CYP4X1: variants seen among roughly 807,000 people sequenced by gnomAD.
CYP4X1 encodes the protein cytochrome P450 family 4 subfamily X member 1, also known as cytochrome P450 4X1.
Under a neutral mutation model 57.9 loss-of-function variants are expected in CYP4X1, and 44 were observed. The ratio of observed to expected loss-of-function variants is 0.76; its 90% confidence interval spans 0.60 to 0.98. The LOEUF is 0.98. CYP4X1 is among the 50% of genes least tolerant of loss of function. The pLI is 0.00. For synonymous variants in CYP4X1, 227 were observed against 228.6 expected (o/e 0.99, Z 0.06); for missense variants, 532 against 623.9 (o/e 0.85, Z 1.57).
upstream of CYP4X1, among the ~76,000 whole-genome samples, chr1:47,020,663 T>A (rs911567696): frequency 9.2e-5 from 14 of 152,180 alleles, no homozygotes; most frequent in Non-Finnish European, 2.9e-5. Flanking sequence ...GAGCAGTGAA[T>A]CTCTGGAATC....
chr1:46,990,172 G>A, the CYP4X1 span, among the ~76,000 whole-genome samples: 2 of 152,070 alleles, frequency 1.3e-5, no homozygotes, highest in Non-Finnish European at 2.9e-5. Flanking sequence ...CCAATATCCA[G>A]AATCTACAAA....
At chr1:47,026,779 G>A (rs565976193) in intron 1 of CYP4X1, among the ~76,000 whole-genome samples, 39 of 152,024 alleles carry the variant, frequency 2.6e-4, no homozygotes, top group Admixed American at 1.0e-3. Flanking sequence ...GTGCAGTGAC[G>A]CAATCTCGGC....
At chr1:46,963,572 C>T in the CYP4X1 span, among the ~76,000 whole-genome samples, 1 of 152,176 alleles carries the variant, frequency 6.6e-6, no homozygotes, top group Non-Finnish European at 1.5e-5. Context: ...GAATATTGGC[C>T]TCCACTCTCT....
chr1:47,000,927 C>G, the CYP4X1 span: 1 of 157,664 alleles, frequency 6.3e-6, no homozygotes, highest in Non-Finnish European at 1.4e-5. Context: ...TATTAGGGAG[C>G]CTCTTAACAT....
chr1:46,979,198 GA>G, the CYP4X1 span, among the ~76,000 whole-genome samples: 1 of 152,108 alleles, frequency 6.6e-6, no homozygotes, highest in Non-Finnish European at 1.5e-5. Flanking sequence ...CTGGTTTTTT[GA>G]AAAGATCAAC....
At chr1:47,012,793 T>C in the CYP4X1 span, among the ~76,000 whole-genome samples, 1 of 152,188 alleles carries the variant, frequency 6.6e-6, no homozygotes, top group Non-Finnish European at 1.5e-5. Context: ...TATGTAAAAG[T>C]GACATATTAG....
the CYP4X1 span, among the ~76,000 whole-genome samples, chr1:46,999,042 GT>G: frequency 6.6e-6 from 1 of 151,410 alleles, no homozygotes; most frequent in South Asian, 2.1e-4. Context: ...GTGTGTGTGT[GT>G]GTGTGTGTGT....
At chr1:46,993,419 A>G in the CYP4X1 span, among the ~76,000 whole-genome samples, 3 of 152,202 alleles carry the variant, frequency 2.0e-5, no homozygotes, top group Non-Finnish European at 2.9e-5. Context: ...TTATAGCAGC[A>G]TGATTTATAA....
intron 4 of CYP4X1, 111 bp downstream of exon 4, chr1:47,033,479 T>C: frequency 7.1e-7 from 1 of 1,406,658 alleles, no homozygotes; most frequent in Non-Finnish European, 9.6e-7. Context: ...TCTAAAAATT[T>C]AACCAATGTA....
Position 47,023,850 on chromosome 1 carries a change from G to C in CYP4X1, c.33G>C (p.Ala11=). The change falls in exon 1 of 12, where the codon GCG becomes GCC. Residue 11 remains alanine, a synonymous_variant. Transcript: ENST00000371901. MEFSWLETRW[A]RPFYLAFVFC... ...TCTCCTGGCTGGAGACGCGCTGGGC[G>C]CGGCCCTTTTACCTGGCGTTCGTGT... 1 of 1,613,456 alleles carries C rather than the reference G, an allele frequency of 6.2e-7. No individual in the cohort carries two copies. The highest frequency in any genetic ancestry group is 8.5e-7 in the Non-Finnish European group (1 of 1,179,938).
chr1:46,977,706 A>C, the CYP4X1 span, among the ~76,000 whole-genome samples: 2 of 151,966 alleles, frequency 1.3e-5, no homozygotes, highest in African/African-American at 4.8e-5. Flanking sequence ...GAGGGAAAAA[A>C]TGTTAAGACA....
chr1:47,006,576 G>C, the CYP4X1 span, among the ~76,000 whole-genome samples: 1 of 152,106 alleles, frequency 6.6e-6, no homozygotes, highest in African/African-American at 2.4e-5. Context: ...GAGTGTCAGA[G>C]AGTGGGTTCA....
chr1:47,007,157 C>T, the CYP4X1 span, among the ~76,000 whole-genome samples: 1 of 152,210 alleles, frequency 6.6e-6, no homozygotes, highest in South Asian at 2.1e-4. Context: ...CCCCGAGTAG[C>T]CTAACTGGGA....
the CYP4X1 span, among the ~76,000 whole-genome samples, chr1:46,988,576 A>G: frequency 2.6e-5 from 4 of 152,114 alleles, no homozygotes; most frequent in African/African-American, 9.7e-5. Flanking sequence ...GCAGAGACAT[A>G]ACAAAAAAAG....
At chr1:47,001,472 G>A in the CYP4X1 span, among the ~76,000 whole-genome samples, 4 of 152,144 alleles carry the variant, frequency 2.6e-5, no homozygotes, top group African/African-American at 9.7e-5. Flanking sequence ...TAGGGAGACC[G>A]ACAGGCACCC....
chr1:46,971,288 G>GTA, the CYP4X1 span, among the ~76,000 whole-genome samples: 1 of 152,226 alleles, frequency 6.6e-6, no homozygotes. Context: ...ATTCCATGGT[G>GTA]TATGTGTACC....
the CYP4X1 span, among the ~76,000 whole-genome samples, chr1:46,999,739 T>C: frequency 1.6e-5 from 2 of 125,776 alleles, no homozygotes; most frequent in African/African-American, 3.0e-5. Flanking sequence ...TTGTGGGCTG[T>C]CTTTTAACTC....
intron 8 of CYP4X1, among the ~76,000 whole-genome samples, chr1:47,045,958 GCCTTTC>G (rs1644296447): frequency 6.6e-6 from 1 of 152,154 alleles, no homozygotes; most frequent in African/African-American, 2.4e-5. Context: ...CTGAGTTATA[GCCTTTC>G]ACATCAGTCC....
chr1:46,988,805 A>G, the CYP4X1 span, among the ~76,000 whole-genome samples: 2 of 151,918 alleles, frequency 1.3e-5, no homozygotes, highest in Non-Finnish European at 2.9e-5. Context: ...TTATCTCAAT[A>G]GATTATCTCA....
Sources: gnomAD v4.1 joint callset for allele counts (sites outside exome capture counted in the v4.1 genomes callset) on GRCh38, gnomAD v4.1.1 for gene constraint, MANE v1.5 for transcripts, NCBI Gene and HGNC (gene_info 2026-07-23, HGNC 2026-07-21) for gene names.